Variants in ARHGAP19 observed in about 807,000 individuals in gnomAD.
ARHGAP19 encodes rho GTPase-activating protein 19.
A neutral mutation model predicts 60.9 loss-of-function variants in ARHGAP19; 48 were observed. The observed-to-expected ratio is 0.79, with a 90% CI of 0.62 to 1.00. The LOEUF (loss-of-function observed/expected upper bound fraction) is 1.00. Ranked by LOEUF, ARHGAP19 falls within the 50% of genes least tolerant of loss-of-function variation. The pLI is 0.00. For missense variants in ARHGAP19, 562 were observed against 597.2 expected, an observed-to-expected ratio of 0.94 and a Z score of 0.61; for synonymous variants, 209 against 215.5, an observed-to-expected ratio of 0.97 and a Z score of 0.27.
At chr10:97,230,793 C>G (rs1473173639) in intron 9 of ARHGAP19, among the ~76,000 whole-genome samples, 1 of 152,068 alleles carries the variant, frequency 6.6e-6, no homozygotes, top group Non-Finnish European at 1.5e-5. Context: ...AGGCCGGGAG[C>G]GGTGGCTCAC....
At chr10:97,261,295 AG>A (rs11287639) in intron 4 of ARHGAP19, among the ~76,000 whole-genome samples, 6,872 of 151,940 alleles carry the variant, frequency 0.045, 261 homozygotes, top group African/African-American at 0.1. Flanking sequence ...TAACATTTCT[AG>A]AAAATGTTCT....
At chr10:97,278,312 G>A (rs758816813) in intron 1 of ARHGAP19, among the ~76,000 whole-genome samples, 4 of 152,196 alleles carry the variant, frequency 2.6e-5, no homozygotes, top group Admixed American at 1.3e-4. Context: ...TATTCTGCAC[G>A]AATCCTTGTG....
Position 97,258,734 on chromosome 10 carries a change from C to T in ARHGAP19, c.840+668G>A, listed in dbSNP as rs186051570. 3.3e-5 allele frequency: 5 copies of T among 152,442 alleles called. No homozygotes were observed. In the East Asian group the frequency reaches 7.7e-4, roughly 24 times the overall value. 9.4% of individuals were successfully genotyped at this position (152,442 alleles called of 1,614,324 possible). On this transcript the variant is annotated intron_variant, in intron 5 of 11. Transcript: ENST00000358531. ...TAGTGATTGTGTTACTCTCCTCCAG[C>T]GTGGGCAACAAAACGAGACCCTGTC...
chr10:97,247,071 A>G (rs567697465), intron 6 of ARHGAP19, among the ~76,000 whole-genome samples: 9 of 151,992 alleles, frequency 5.9e-5, no homozygotes, highest in African/African-American at 1.9e-4. Context: ...CAGGAGACAG[A>G]GGTTGCAGTG....
intron 6 of ARHGAP19, among the ~76,000 whole-genome samples, chr10:97,249,026 C>G (rs1371982927): frequency 6.6e-6 from 1 of 151,882 alleles, no homozygotes; most frequent in Non-Finnish European, 1.5e-5. Context: ...CCACATTGCC[C>G]AGGAGAATAT....
chr10:97,277,680 AAAG>A (rs1015706161), intron 1 of ARHGAP19: 5 of 152,346 alleles, frequency 3.3e-5, no homozygotes, highest in African/African-American at 1.2e-4. Flanking sequence ...CATAGAATGT[AAAG>A]AAGATGAGAG....
intron 1 of ARHGAP19, among the ~76,000 whole-genome samples, chr10:97,270,426 A>G (rs536295296): frequency 4.4e-4 from 67 of 152,354 alleles, no homozygotes; most frequent in South Asian, 6.2e-4. Flanking sequence ...ATCCCTTTCC[A>G]AAGAATACAC....
intron 6 of ARHGAP19, among the ~76,000 whole-genome samples, chr10:97,251,133 GAAGGGAAGAGAAGGGGAAAGCC>G: frequency 8.4e-6 from 1 of 119,042 alleles, no homozygotes; most frequent in East Asian, 2.8e-4. Flanking sequence ...AAGGGGAAGG[GAAGGGAAGAGAAGGGGAAAGCC>G]AAGGGGAAGG....
intron 7 of ARHGAP19, among the ~76,000 whole-genome samples, chr10:97,245,272 G>GGA (rs1051292482): frequency 3.9e-5 from 6 of 152,132 alleles, no homozygotes; most frequent in African/African-American, 1.4e-4. Context: ...CTCTGAAAGT[G>GGA]CTAGGATTAC....
At chr10:97,234,995 C>G (rs1253353839) in intron 9 of ARHGAP19, among the ~76,000 whole-genome samples, 4 of 152,114 alleles carry the variant, frequency 2.6e-5, no homozygotes, top group Admixed American at 1.3e-4. Context: ...AAGGAAGGAC[C>G]CTTACTTCTA....
intron 1 of ARHGAP19, among the ~76,000 whole-genome samples, chr10:97,276,140 G>A (rs1457486566): frequency 2.5e-3 from 5 of 2,006 alleles, no homozygotes; most frequent in East Asian, 0.045. Context: ...CAGCCGCCCC[G>A]TCCGGGAGGG....
intron 9 of ARHGAP19, among the ~76,000 whole-genome samples, chr10:97,231,059 C>CAAAAAAAAAAAAAAAAAAAAAAAAAAAA (rs869291841): frequency 6.7e-5 from 4 of 59,752 alleles, no homozygotes; most frequent in Admixed American, 2.7e-4. Flanking sequence ...CTTGTCTCAC[C>CAAAAAAAAAAAAAAAAAAAAAAAAAAAA]AAAAAAAAAA....
Position 97,292,556 on chromosome 10 carries a change from A to G in ARHGAP19, c.56+16T>C. On this transcript the variant is annotated intron_variant, in intron 1 of 11. Coordinates refer to ENST00000358531, the MANE Select transcript of ARHGAP19 (RefSeq NM_032900.6). The stretch of plus-strand genomic sequence containing the variant: ...AAGGCCGCGTTTCCCAGGAAACTGG[A>G]CCAAACTCAGCTCACCTCCGGCCGG... The G allele has an allele frequency of 6.2e-7, 1 of 1,614,108 alleles. No homozygotes were observed. The highest frequency in any genetic ancestry group is 8.5e-7 in the Non-Finnish European group (1 of 1,180,006).
chr10:97,261,895 A>G (rs1842834273), intron 4 of ARHGAP19, among the ~76,000 whole-genome samples: 1 of 152,208 alleles, frequency 6.6e-6, no homozygotes, highest in African/African-American at 2.4e-5. Flanking sequence ...CAGTATGAAG[A>G]AACTATTTAT....
chr10:97,288,106 G>T (rs1192075557), intron 1 of ARHGAP19, among the ~76,000 whole-genome samples: 1 of 152,050 alleles, frequency 6.6e-6, no homozygotes, highest in East Asian at 1.9e-4. Context: ...AGAAGTTAAA[G>T]CATTTGTAAT....
At chr10:97,234,013 T>C (rs2134815930) in intron 9 of ARHGAP19, among the ~76,000 whole-genome samples, 1 of 151,920 alleles carries the variant, frequency 6.6e-6, no homozygotes, top group African/African-American at 2.4e-5. Flanking sequence ...ATGCCTGTAA[T>C]CCCAGCAATT....
chr10:97,244,722 G>A (rs1200312989), intron 7 of ARHGAP19, among the ~76,000 whole-genome samples: 1 of 152,150 alleles, frequency 6.6e-6, no homozygotes, highest in African/African-American at 2.4e-5. Flanking sequence ...ACCAAATACT[G>A]TTTTCCTGGT....
At chr10:97,288,980 A>G (rs986587253) in intron 1 of ARHGAP19, among the ~76,000 whole-genome samples, 125 of 150,612 alleles carry the variant, frequency 8.3e-4, no homozygotes, top group African/African-American at 3.0e-3. Context: ...ATGCCTGGTT[A>G]ACTTTTTTTT....
intron 8 of ARHGAP19, among the ~76,000 whole-genome samples, chr10:97,241,090 G>A (rs1272496998): frequency 6.6e-6 from 1 of 152,140 alleles, no homozygotes; most frequent in Non-Finnish European, 1.5e-5. Context: ...GGAGGCCAAG[G>A]CAGGTGGATC....
Sources: gnomAD v4.1 joint callset for allele counts (sites outside exome capture counted in the v4.1 genomes callset) on GRCh38, gnomAD v4.1.1 for gene constraint, MANE v1.5 for transcripts, NCBI Gene and HGNC (gene_info 2026-07-23, HGNC 2026-07-21) for gene names.